ARRB2: variants seen among roughly 807,000 people sequenced by gnomAD.
ARRB2 encodes arrestin beta 2, also known as beta-arrestin-2.
Under a neutral mutation model 53.4 loss-of-function variants are expected in ARRB2, and 21 were observed. The ratio of observed to expected loss-of-function variants is 0.39; its 90% CI spans 0.28 to 0.57. The LOEUF (loss-of-function observed/expected upper bound fraction) is 0.57. Ranked by LOEUF, ARRB2 falls within the 20% of genes least tolerant of loss-of-function variation. ARRB2 has a pLI of 0.55. For synonymous variants in ARRB2, 180 were observed against 212.9 expected, an observed-to-expected ratio of 0.85 and a Z score of 1.34; for missense variants, 369 against 527.5, an observed-to-expected ratio of 0.70 and a Z score of 2.94.
Position 4,721,367 on chromosome 17 carries a change from C to A in ARRB2, c.*328C>A. 2.3e-6 allele frequency: 1 copy of A among 431,356 alleles called. No homozygotes were observed. The allele number at this position is 431,356 out of a possible 1,614,324, so 26.7% of individuals were successfully genotyped here. A position where few individuals can be genotyped will look rare whatever the true frequency, so the allele number is the denominator to read the frequency against. On this transcript the variant is annotated 3_prime_UTR_variant, in exon 15 of 15. Transcript: ENST00000269260. This position sits in a 1 kb window ranked among gnomAD's most constrained non-coding sequence, Gnocchi z 4.2. ...GGGAAAGGGGGAGACAAAACTCCTA[C>A]TCTCAACCTCACACCAACACCTCCC...
chr17:4,720,163 G>T (rs1330102201), intron 11 of ARRB2, 53 bp from the exon 12 acceptor site: 1 of 1,557,238 alleles, frequency 6.4e-7, no homozygotes, highest in East Asian at 2.4e-5. Flanking sequence ...CCCACGGTGG[G>T]CCAGGTGACA....
rs184824874 is a variant in ARRB2 at position 4,716,874 on chromosome 17, G to A, written c.357+266G>A. On this transcript the variant is annotated intron_variant, in intron 5 of 14. Coordinates refer to ENST00000269260, the MANE Select transcript of ARRB2 (RefSeq NM_004313.4). The stretch of plus-strand genomic sequence containing the variant: ...TGTTGAGACAAAGTCTCGCTCTGTC[G>A]CCCAGGCTGGAGTGCAGTGGCACAA... 1,747 of 666,722 alleles carry A rather than the reference G, an allele frequency of 2.6e-3. 7 individuals carry two copies. Among genetic ancestry groups the A allele is most frequent in the African/African-American group, 0.017 (928 of 55,050 alleles). The allele number at this position is 666,722 out of a possible 1,614,324, so 41.3% of individuals were successfully genotyped here.
At chr17:4,713,878 C>T (rs1914682907) in intron 1 of ARRB2, among the ~76,000 whole-genome samples, 1 of 149,774 alleles carries the variant, frequency 6.7e-6, no homozygotes, top group African/African-American at 2.5e-5. Flanking sequence ...GCAGGAGAAT[C>T]ACTTAAACCT....
rs774328735 is a variant in ARRB2 at position 4,720,987 on chromosome 17, G to A, written c.1178G>A (p.Arg393Gln). 5.6e-6 allele frequency: 9 copies of A among 1,613,964 alleles called. No individual in the cohort carries two copies. The Admixed American group carries it at 6.7e-5, about 12-fold the overall frequency. Residue 393 changes from arginine to glutamine, a missense_variant, in exon 15 of 15, where the codon CGG (arginine) becomes CAG (glutamine). Arg to Gln is a conservative substitution (Grantham distance 43). Transcript: ENST00000269260. ...DDDIVFEDFA[R>Q]LRLKGMKDDD... ...GACATTGTGTTTGAGGACTTTGCCC[G>A]GCTTCGGCTGAAGGGGATGAAGGAT...
chr17:4,718,382 G>A (rs771476665), intron 9 of ARRB2, 37 bp downstream of exon 9: 4 of 1,580,324 alleles, frequency 2.5e-6, no homozygotes, highest in Non-Finnish European at 3.5e-6. Context: ...CTTCGGGGAG[G>A]GCGTTACTGC....
At chr17:4,713,499 T>C (rs1397793838) in intron 1 of ARRB2, among the ~76,000 whole-genome samples, 1 of 151,000 alleles carries the variant, frequency 6.6e-6, no homozygotes, top group Non-Finnish European at 1.5e-5. Context: ...GGCGTGGTGG[T>C]GGGTGCCTGT....
intron 4 of ARRB2, 56 bp from the exon 5 acceptor site, chr17:4,716,356 G>A (rs1202484258): frequency 1.2e-6 from 2 of 1,613,760 alleles, no homozygotes; most frequent in African/African-American, 2.7e-5. Flanking sequence ...GCTGCTAGGT[G>A]CCAGGGGACT....
chr17:4,717,619 G>C lies in ARRB2; in HGVS notation c.418-66G>C, dbSNP rs1383941779. 3.8e-6 allele frequency: 6 copies of C among 1,599,406 alleles called. No homozygotes were observed. Among genetic ancestry groups the C allele is most frequent in the Non-Finnish European group, 5.1e-6 (6 of 1,167,828 alleles). ...CCTGCCCGAGAGGAGGGAAGGGGGA[G>C]GAAGAAAGGGCAGTGATGGTGGCGG... On this transcript the variant is annotated intron_variant, in intron 6 of 14. Transcript: ENST00000269260. The surrounding 1 kb of genome is among the most constrained non-coding windows in gnomAD (Gnocchi z 6.0).
In ARRB2 at chr17:4,717,069, G is replaced by A. The variant is rs1915147696; in HGVS notation, c.358-148G>A. 4 of 901,352 alleles carry A rather than the reference G, an allele frequency of 4.4e-6. No individual in the cohort carries two copies. In the Admixed American group the frequency reaches 7.5e-5, roughly 17 times the overall value. The allele number at this position is 901,352 out of a possible 1,614,324, so 55.8% of individuals were successfully genotyped here. ...GGCTGGTCTGGAACCCCTGACCTCA[G>A]GTGATCCGCCCACCTTAGCCTTCCA... On this transcript the variant is annotated intron_variant, in intron 5 of 14. Transcript: ENST00000269260. This position sits in a 1 kb window ranked among gnomAD's most constrained non-coding sequence, Gnocchi z 6.0.
At chr17:4,713,722 G>T (rs995811682) in intron 1 of ARRB2, among the ~76,000 whole-genome samples, 2 of 151,426 alleles carry the variant, frequency 1.3e-5, no homozygotes, top group African/African-American at 4.9e-5. Context: ...CCCAGGAGGT[G>T]GAGGTTGCAG....
At chr17:4,720,747 TA>T in intron 14 of ARRB2, 107 bp downstream of exon 14, 1 of 1,156,186 alleles carries the variant, frequency 8.6e-7, no homozygotes. Context: ...AAGCGGATTG[TA>T]GCATCAAATC....
In ARRB2 at chr17:4,713,358, C is replaced by T. The variant is rs755548459; in HGVS notation, c.24-1655C>T. 3.9e-5 allele frequency among the ~76,000 whole-genome samples: 6 copies of T among 152,084 alleles called. No individual in the cohort carries two copies. In the South Asian group the frequency reaches 1.2e-3, roughly 32 times the overall value. On this transcript the variant is annotated intron_variant, in intron 1 of 14. Transcript: ENST00000269260. ...AAAAATATAAAAATTAGCGGCCGGG[C>T]GTGGTGGCTCACGCCTGTAATCCCA...
chr17:4,719,572 G>A (rs1415133804), intron 11 of ARRB2, 152 bp downstream of exon 11: 3 of 1,175,926 alleles, frequency 2.6e-6, no homozygotes, highest in African/African-American at 1.5e-5. Flanking sequence ...AATCTGATCA[G>A]TGGTCACTGT....
At chr17:4,710,990 A>T (rs918065440) in intron 1 of ARRB2, among the ~76,000 whole-genome samples, 1 of 151,858 alleles carries the variant, frequency 6.6e-6, no homozygotes, top group Non-Finnish European at 1.5e-5. Flanking sequence ...TCTCGCAGGG[A>T]TGTGGGGCCA....
At chr17:4,719,090 A>G (rs774751194) in intron 10 of ARRB2, among the ~76,000 whole-genome samples, 193 bp from the exon 11 acceptor site, 2 of 152,188 alleles carry the variant, frequency 1.3e-5, no homozygotes, top group Non-Finnish European at 2.9e-5. Context: ...TTCACTTAAA[A>G]GGGTATTCCC....
rs1033006166 is a variant in ARRB2 at position 4,717,601 on chromosome 17, G to A, written c.418-84G>A. ...CACAATGAGGCAAGAGTCCCTGCCC[G>A]AGAGGAGGGAAGGGGGAGGAAGAAA... is the stretch of plus-strand genomic sequence containing the variant. On this transcript the variant is annotated intron_variant, in intron 6 of 14. Transcript: ENST00000269260. This position sits in a 1 kb window ranked among gnomAD's most constrained non-coding sequence, Gnocchi z 6.0. The A allele has an allele frequency of 1.2e-5, 18 of 1,547,746 alleles. No individual in the cohort carries two copies. The highest frequency in any genetic ancestry group is 5.6e-5 in the South Asian group (5 of 89,656).
In ARRB2 at chr17:4,715,568, GACACACACAC is replaced by G. The variant is rs112527658; in HGVS notation, c.55-396_55-387del. The G allele has an allele frequency of 1.7e-3, 369 of 220,306 alleles. 2 individuals are homozygous for G. Among genetic ancestry groups the G allele is most frequent in the Non-Finnish European group, 2.7e-3 (309 of 112,482 alleles). 13.6% of individuals were successfully genotyped at this position (220,306 alleles called of 1,614,324 possible). A position where few individuals can be genotyped will look rare whatever the true frequency, so the allele number is the denominator to read the frequency against. ...CTGAGGATGCAAACACACACACACG[GACACACACAC>G]ACACACACGGACACACACAAACACA... On this transcript the variant is annotated intron_variant, in intron 2 of 14. Transcript: ENST00000269260.
rs1323707418 is a variant in ARRB2 at position 4,721,044 on chromosome 17, CG to C, written c.*9del. On this transcript the variant is annotated 3_prime_UTR_variant, in exon 15 of 15. Coordinates refer to ENST00000269260, the MANE Select transcript of ARRB2 (RefSeq NM_004313.4). This position sits in a 1 kb window ranked among gnomAD's most constrained non-coding sequence, Gnocchi z 4.2. Reference sequence around the variant, plus strand: ...TATGATGATCAACTCTGCTAGGAAGCGGGGTGGGAAGAAGGGAGGGGATGGG... The same window carrying C: ...TATGATGATCAACTCTGCTAGGAAGCGGGTGGGAAGAAGGGAGGGGATGGG... The C allele has an allele frequency of 1.4e-6, 2 of 1,463,370 alleles. No homozygotes were observed. Among genetic ancestry groups the C allele is most frequent in the African/African-American group, 1.4e-5 (1 of 71,862 alleles). 90.6% of individuals were successfully genotyped at this position (1,463,370 alleles called of 1,614,324 possible). A position where few individuals can be genotyped will look rare whatever the true frequency, so the allele number is the denominator to read the frequency against.
At chr17:4,715,532 C>G in intron 2 of ARRB2, 1 of 241,410 alleles carries the variant, frequency 4.1e-6, no homozygotes. Flanking sequence ...GCTGGTTGGG[C>G]TGAGTCCTCC....
Sources: allele counts gnomAD v4.1 joint callset (sites outside exome capture counted in the v4.1 genomes callset), GRCh38; gene constraint gnomAD v4.1.1; non-coding constraint Gnocchi (gnomAD v3.1); transcripts MANE v1.5; gene names NCBI Gene and HGNC (gene_info 2026-07-23, HGNC 2026-07-21).